ODAD3: variants seen among roughly 807,000 people sequenced by gnomAD.
The protein encoded by ODAD3 is outer dynein arm docking complex subunit 3.
ODAD3 carries 57 observed loss-of-function variants against 70.9 expected under a neutral mutation model. The observed-to-expected ratio is 0.80, with a 90% CI of 0.65 to 1.00. The LOEUF (loss-of-function observed/expected upper bound fraction) is 1.00. ODAD3 is among the 50% of genes least tolerant of loss of function. The pLI, the probability that ODAD3 is intolerant of heterozygous loss-of-function variation, is 0.00. For missense variants in ODAD3, 797 were observed against 763.9 expected (o/e 1.04, Z -0.51); for synonymous variants, 327 against 315.9 (o/e 1.04, Z -0.37).
intron 3 of ODAD3, among the ~76,000 whole-genome samples, chr19:11,428,633 C>T (rs747107684): frequency 4.6e-5 from 7 of 152,154 alleles, no homozygotes; most frequent in Non-Finnish European, 7.3e-5. Flanking sequence ...ACTGCAGCCT[C>T]GACCTCCCCA....
At chr19:11,435,616 GT>G, upstream of ODAD3, 2 of 1,125,490 alleles carry the variant, frequency 1.8e-6, no homozygotes, top group Non-Finnish European at 2.4e-6. Context: ...AAGTGACGGG[GT>G]CCAGAAATTT....
chr19:11,426,882 C>G lies in ODAD3; in HGVS notation c.603G>C (p.Glu201Asp), dbSNP rs570654280. ...CCTCACCCGCCCCTACCTTGGCCAC[C>G]TCCGTGTGTCTGTTTTGCGCCTCCG... Reference protein sequence around the residue: ...EMAEAQNRHTEVAKTMRNLEN... With the variant: ...EMAEAQNRHTDVAKTMRNLEN... Residue 201 changes from glutamate to aspartate, a missense_variant, in exon 4 of 13, where the codon GAG becomes GAC. By Grantham distance (45) the Glu-to-Asp change is conservative. Coordinates refer to ENST00000356392, the MANE Select transcript of ODAD3 (RefSeq NM_145045.5). 4.3e-6 allele frequency: 7 copies of G among 1,609,440 alleles called. No individual in the cohort carries two copies. The African/African-American group carries it at 9.3e-5, about 21-fold the overall frequency.
In ODAD3 at chr19:11,422,668, C is replaced by T. The variant is rs1169705392; in HGVS notation, c.1277+33G>A. 63 of 1,607,070 alleles carry T rather than the reference C, an allele frequency of 3.9e-5. No homozygotes were observed. Among genetic ancestry groups the T allele is most frequent in the Non-Finnish European group, 5.1e-5 (60 of 1,177,050 alleles). On this transcript the variant is annotated intron_variant, in intron 9 of 12. Transcript: ENST00000356392. The surrounding 1 kb of genome is among the most constrained non-coding windows in gnomAD (Gnocchi z 4.6). Reference sequence around the variant, plus strand: ...AGGTCACCCCGGGGGCTCAGCCCGCCCCGCCGCCCTCCCCAGAGCCCCGGT... The same window carrying T: ...AGGTCACCCCGGGGGCTCAGCCCGCTCCGCCGCCCTCCCCAGAGCCCCGGT...
rs781316143 is a variant in ODAD3, at chr19:11,426,797, AGGGCT to A, written c.613-18_613-14del. The A allele has an allele frequency of 2.6e-5, 42 of 1,613,692 alleles. No homozygotes were observed. The African/African-American group carries it at 5.3e-4, about 21-fold the overall frequency. On this transcript the variant is annotated splice_polypyrimidine_tract_variant and intron_variant, in intron 4 of 12. Coordinates refer to ENST00000356392, the MANE Select transcript of ODAD3 (RefSeq NM_145045.5). ...GGTTCCGCATGGTCTGGAGAGCAGC[AGGGCT>A]GGGCTGAGGGCCCTCCGCACTCAAT...
In ODAD3 at chr19:11,422,850, C is replaced by T; in HGVS notation, c.1128G>A (p.Arg376=). 1 of 1,603,640 alleles carries T rather than the reference C, an allele frequency of 6.2e-7. No homozygotes were observed. Among genetic ancestry groups the T allele is most frequent in the Non-Finnish European group, 8.5e-7 (1 of 1,179,738 alleles). The part of the protein sequence containing the change: ...TGTDETHSLV[R]RFLAQGDTFA... ...AGGTGTCGCCCTGGGCCAGGAACCGCCGCACCAACGACTGCGGGCCACCCA... is the reference window on the plus strand; with the variant it reads ...AGGTGTCGCCCTGGGCCAGGAACCGTCGCACCAACGACTGCGGGCCACCCA... Residue 376 remains arginine (R), a synonymous_variant, in exon 9 of 13, where the codon CGG becomes CGA. Transcript: ENST00000356392. The surrounding 1 kb of genome is among the most constrained non-coding windows in gnomAD (Gnocchi z 4.6).
intron 7 of ODAD3, among the ~76,000 whole-genome samples, chr19:11,425,461 G>GTGTATATATGTATATGTGTGTGTATATA (rs1969326979): frequency 1.9e-5 from 2 of 107,254 alleles, no homozygotes; most frequent in Non-Finnish European, 4.0e-5. Flanking sequence ...ATATATGTGT[G>GTGTATATATGTATATGTGTGTGTATATA]TGTATATATG....
chr19:11,430,811 G>A, intron 2 of ODAD3, 35 bp from the exon 3 acceptor site: 1 of 1,613,868 alleles, frequency 6.2e-7, no homozygotes, highest in Non-Finnish European at 8.5e-7. Flanking sequence ...CTTTCAGCAT[G>A]CCACCTCCAG....
Position 11,426,934 on chromosome 19 carries a change from T to G in ODAD3, c.551A>C (p.Gln184Pro). ...RQRRLEELQL[Q>P]HSLRLLEMAE... is the part of the protein sequence containing the mutation. ...CATCTCCAGAAGGCGCAGGCTGTGCTGCAGCTGGAGCTCCTCCAGCCGCCT... is the reference window on the plus strand; with the variant it reads ...CATCTCCAGAAGGCGCAGGCTGTGCGGCAGCTGGAGCTCCTCCAGCCGCCT... The change falls in exon 4 of 13, where the codon CAG becomes CCG. Residue 184 changes from glutamine (Q) to proline (P), a missense_variant. Physicochemically the swap from Gln to Pro is moderately conservative, Grantham distance 76 (BLOSUM62 -1). Coordinates refer to ENST00000356392, the MANE Select transcript of ODAD3 (RefSeq NM_145045.5). 1 of 1,610,082 alleles carries G rather than the reference T, an allele frequency of 6.2e-7. No individual in the cohort carries two copies. The highest frequency in any genetic ancestry group is 8.5e-7 in the Non-Finnish European group (1 of 1,179,418).
intron 3 of ODAD3, among the ~76,000 whole-genome samples, chr19:11,428,489 T>C (rs1270350382): frequency 1.3e-5 from 2 of 152,064 alleles, no homozygotes; most frequent in African/African-American, 4.8e-5. Context: ...GTGATCCACC[T>C]GCCTTGGCCT....
At chr19:11,433,399 T>G (rs1004633166) in intron 1 of ODAD3, among the ~76,000 whole-genome samples, 3 of 152,244 alleles carry the variant, frequency 2.0e-5, no homozygotes, top group African/African-American at 7.2e-5. Context: ...ATGGCCCCTG[T>G]GGGGCAAACC....
chr19:11,421,194 C>T lies in ODAD3; in HGVS notation c.1609G>A (p.Gly537Arg), dbSNP rs576837583. ...ANREFLASLE[G>R]RLPEYNTRIA... ...CGGGTGTTGTATTCGGGCAGCCTTC[C>T]CTCTAAGCTGGCGAGGAACTAAGCG... The change falls in exon 12 of 13, where the codon GGA becomes AGA. Residue 537 changes from glycine to arginine, a missense_variant. Gly to Arg is a moderately radical substitution (Grantham distance 125, BLOSUM62 -2). Coordinates refer to ENST00000356392, the MANE Select transcript of ODAD3 (RefSeq NM_145045.5). 6.2e-7 allele frequency: 1 copy of T among 1,613,402 alleles called. No homozygotes were observed. Among genetic ancestry groups the T allele is most frequent in the African/African-American group, 1.3e-5 (1 of 75,012 alleles).
chr19:11,430,273 G>A (rs1034189058), intron 3 of ODAD3, among the ~76,000 whole-genome samples: 2 of 152,044 alleles, frequency 1.3e-5, no homozygotes, highest in South Asian at 2.1e-4. Flanking sequence ...GAGTAGCTGG[G>A]ATTACAGGCA....
rs1015919050 is a variant in ODAD3 at position 11,425,217 on chromosome 19, A to G, written c.963+927T>C. 2.8e-4 allele frequency among the ~76,000 whole-genome samples: 34 copies of G among 122,580 alleles called. 3 individuals carry two copies. The highest frequency in any genetic ancestry group is 4.8e-4 in the South Asian group (2 of 4,144). 80.4% of individuals were successfully genotyped at this position (122,580 alleles called of 152,430 possible). A position where few individuals can be genotyped will look rare whatever the true frequency, so the allele number is the denominator to read the frequency against. ...CATATGTGTATGTGTACATATGTGT[A>G]TATATGTGTGTATATGTACATATGT... On this transcript the variant is annotated intron_variant, in intron 7 of 12. Coordinates refer to ENST00000356392, the MANE Select transcript of ODAD3 (RefSeq NM_145045.5).
At chr19:11,425,802 G>T (rs1416485947) in intron 7 of ODAD3, among the ~76,000 whole-genome samples, 4 of 151,550 alleles carry the variant, frequency 2.6e-5, no homozygotes, top group Non-Finnish European at 4.4e-5. Flanking sequence ...AAGAGTGAGG[G>T]GGCAGGGCCT....
upstream of ODAD3, chr19:11,435,160 G>A (rs889294830): frequency 1.0e-5 from 15 of 1,435,606 alleles, no homozygotes; most frequent in Non-Finnish European, 1.4e-5. Flanking sequence ...CGCATCTCTC[G>A]GTTGCCAGGT....
In ODAD3 at chr19:11,425,148, T is replaced by C. The variant is rs532731065; in HGVS notation, c.963+996A>G. ...ATATGTGTATATGTGTATATGTACA[T>C]ATGTATATATACATATGTGTATATG... On this transcript the variant is annotated intron_variant, in intron 7 of 12. Transcript: ENST00000356392. 6.0e-5 allele frequency among the ~76,000 whole-genome samples: 8 copies of C among 134,188 alleles called. No homozygotes were observed. The East Asian group carries it at 8.9e-4, about 15-fold the overall frequency. The allele number at this position is 134,188 out of a possible 152,430, so 88.0% of individuals were successfully genotyped here.
In ODAD3 at chr19:11,426,728, G is replaced by A. The variant is rs746431591; in HGVS notation, c.669C>T (p.Ala223=). 3 of 1,613,668 alleles carry A rather than the reference G, an allele frequency of 1.9e-6. No homozygotes were observed. The highest frequency in any genetic ancestry group is 2.2e-5 in the South Asian group (2 of 91,056). The stretch of plus-strand genomic sequence containing the variant: ...GCAGGTACACGCTGGTAATGTGCTC[G>A]GCCTCCTGCGCCTTCATCTGGGCCT... ...LEKAQMKAQE[A]EHITSVYLQL... The change falls in exon 5 of 13, where the codon GCC becomes GCT. Residue 223 remains alanine (A), a synonymous_variant. Transcript: ENST00000356392.
Position 11,425,296 on chromosome 19 carries a change from T to TATGTGTGTATATGTAC in ODAD3, c.963+847_963+848insGTACATATACACACAT, listed in dbSNP as rs1568349622. On this transcript the variant is annotated intron_variant, in intron 7 of 12. Transcript: ENST00000356392. ...ATGTGTGTATATGTACATATGTGTA[T>TATGTGTGTATATGTAC]ATATGTGTATGTGTACATATGTGTA... Among the ~76,000 whole-genome samples the TATGTGTGTATATGTAC allele has an allele frequency of 3.2e-3, 420 of 132,544 alleles. 20 individuals carry two copies. The highest frequency in any genetic ancestry group is 6.8e-3 in the East Asian group (30 of 4,384). 87.0% of individuals were successfully genotyped at this position (132,544 alleles called of 152,430 possible). A position where few individuals can be genotyped will look rare whatever the true frequency, so the allele number is the denominator to read the frequency against.
Position 11,422,785 on chromosome 19 carries a change from G to T in ODAD3, c.1193C>A (p.Thr398Lys), listed in dbSNP as rs779956197. ...LETLKSENEQ[T>K]LVRLKQEKQQ... is the part of the protein sequence containing the mutation. ...CTTCTCCTGCTTCAGCCTCACCAAC[G>T]TCTGCTCGTTCTCGCTCTTGAGCGT... is the stretch of plus-strand genomic sequence containing the variant. Residue 398 changes from threonine (T) to lysine (K), a missense_variant, in exon 9 of 13, where the codon ACG becomes AAG. Thr to Lys is a moderately conservative substitution (Grantham distance 78, BLOSUM62 -1). Transcript: ENST00000356392. This position sits in a 1 kb window ranked among gnomAD's most constrained non-coding sequence, Gnocchi z 4.6. 1.2e-6 allele frequency: 2 copies of T among 1,611,194 alleles called. No homozygotes were observed. Among genetic ancestry groups the T allele is most frequent in the Non-Finnish European group, 1.7e-6 (2 of 1,179,906 alleles).
Sources: allele counts gnomAD v4.1 joint callset (sites outside exome capture counted in the v4.1 genomes callset), GRCh38; gene constraint gnomAD v4.1.1; non-coding constraint Gnocchi (gnomAD v3.1); transcripts MANE v1.5; gene names NCBI Gene and HGNC (gene_info 2026-07-23, HGNC 2026-07-21).